NFIB: variants seen among roughly 807,000 people sequenced by gnomAD.
NFIB encodes nuclear factor 1 B-type.
Under a neutral mutation model 61.5 loss-of-function variants are expected in NFIB, and 11 were observed. The observed-to-expected ratio is 0.18, with a 90% CI of 0.11 to 0.30. The LOEUF is 0.30. Ranked by LOEUF, NFIB falls within the 10% of genes least tolerant of loss-of-function variation. NFIB has a pLI of 1.00. For synonymous variants in NFIB, 260 were observed against 216.5 expected, an observed-to-expected ratio of 1.20 and a Z score of -1.76; for missense variants, 471 against 608.9, an observed-to-expected ratio of 0.77 and a Z score of 2.38.
intron 5 of NFIB, among the ~76,000 whole-genome samples, chr9:14,149,403 A>C (rs1407453010): frequency 6.6e-6 from 1 of 152,172 alleles, no homozygotes; most frequent in Admixed American, 6.5e-5. Context: ...TTGATTACAC[A>C]TATATTTAAT....
chr9:14,480,033 TTTTTG>T, the NFIB span, among the ~76,000 whole-genome samples: 2 of 151,430 alleles, frequency 1.3e-5, no homozygotes, highest in African/African-American at 4.9e-5. Context: ...GAAAGGTTTT[TTTTTG>T]TTTTGTTTTG....
chr9:14,519,555 T>G, the NFIB span, among the ~76,000 whole-genome samples: 3 of 152,318 alleles, frequency 2.0e-5, no homozygotes, highest in African/African-American at 7.2e-5. Context: ...GTTGTTTTTG[T>G]TTTGTAACCT....
chr9:14,402,453 T>G (rs533544697), upstream of NFIB, among the ~76,000 whole-genome samples: 3 of 152,324 alleles, frequency 2.0e-5, no homozygotes, highest in East Asian at 3.9e-4. Context: ...TTTTTAATTA[T>G]GAGGAAATAA....
In NFIB at chr9:14,351,009, C is replaced by T. The variant is rs552719693; in HGVS notation, c.109-43489G>A. 2.6e-5 allele frequency among the ~76,000 whole-genome samples: 4 copies of T among 152,282 alleles called. No homozygotes were observed. In the South Asian group the frequency reaches 6.2e-4, roughly 24 times the overall value. ...AGGCCAAGCTTTGGCAAAGGAGACT[C>T]GGAGGGAAATCTCCCGTTCTGAGTG... On this transcript the variant is annotated intron_variant, in intron 1 of 8. Coordinates refer to the NFIB transcript ENST00000380934.
intron 4 of NFIB, among the ~76,000 whole-genome samples, chr9:14,153,513 C>T (rs1375598056): frequency 2.0e-5 from 3 of 152,070 alleles, no homozygotes; most frequent in Admixed American, 6.6e-5. Context: ...ACCAAAGAAC[C>T]TCAGATTCTA....
At chr9:14,139,064 G>A (rs2041395164) in intron 6 of NFIB, among the ~76,000 whole-genome samples, 2 of 152,072 alleles carry the variant, frequency 1.3e-5, no homozygotes, top group South Asian at 4.1e-4. Context: ...GTCCCTCTGG[G>A]AAGACTTGCG....
At position 14,082,948 on chromosome 9, in the gene NFIB, G is replaced by A. The variant is rs1482427238; in HGVS notation, c.*5361C>T. ...GTATTTAGGCCACCTGTTGTTCCTG[G>A]TACTGTATCATGCAATAAGTCATCA... is the stretch of plus-strand genomic sequence containing the variant. On this transcript the variant is annotated 3_prime_UTR_variant, in exon 11 of 11. Transcript: ENST00000380953. The A allele has an allele frequency of 4.8e-6, 1 of 207,416 alleles. No homozygotes were observed. Among genetic ancestry groups the A allele is most frequent in the African/African-American group, 2.3e-5 (1 of 43,818 alleles). The allele number at this position is 207,416 out of a possible 1,614,324, so 12.8% of individuals were successfully genotyped here.
intron 2 of NFIB, among the ~76,000 whole-genome samples, chr9:14,224,286 C>A (rs2052076017): frequency 6.6e-6 from 1 of 152,208 alleles, no homozygotes; most frequent in Non-Finnish European, 1.5e-5. Flanking sequence ...ACATGATGTT[C>A]TGTGTAGAAA....
chr9:14,508,883 TG>T, the NFIB span, among the ~76,000 whole-genome samples: 3 of 152,254 alleles, frequency 2.0e-5, no homozygotes, highest in Non-Finnish European at 4.4e-5. Flanking sequence ...CTTCTACTCT[TG>T]TTCACAAATT....
intron 2 of NFIB, among the ~76,000 whole-genome samples, chr9:14,263,027 G>A (rs2056910328): frequency 6.6e-6 from 1 of 152,124 alleles, no homozygotes; most frequent in Non-Finnish European, 1.5e-5. Flanking sequence ...GTGCAGACAT[G>A]ATTTCTTTCC....
At chr9:14,284,893 T>G (rs190739642) in intron 2 of NFIB, among the ~76,000 whole-genome samples, 7 of 152,304 alleles carry the variant, frequency 4.6e-5, no homozygotes, top group East Asian at 1.9e-4. Context: ...ACTTGCTTAA[T>G]CCTCTCTTTA....
intron 1 of NFIB, among the ~76,000 whole-genome samples, chr9:14,386,425 G>A (rs1244108655): frequency 6.6e-6 from 1 of 152,134 alleles, no homozygotes; most frequent in African/African-American, 2.4e-5. Context: ...CCTGCCTTAG[G>A]ACTCCAGGTC....
chr9:14,349,991 A>G (rs2061086320), intron 1 of NFIB, among the ~76,000 whole-genome samples: 1 of 151,884 alleles, frequency 6.6e-6, no homozygotes, highest in Non-Finnish European at 1.5e-5. Context: ...ATTGCCCATG[A>G]TCTCTCCCTG....
At chr9:14,153,390 A>T (rs1055586198) in intron 4 of NFIB, among the ~76,000 whole-genome samples, 2 of 152,088 alleles carry the variant, frequency 1.3e-5, no homozygotes, top group Non-Finnish European at 2.9e-5. Flanking sequence ...CCTCTGGAAG[A>T]ACTTACATCA....
the NFIB span, among the ~76,000 whole-genome samples, chr9:14,529,650 A>G: frequency 6.6e-6 from 1 of 152,224 alleles, no homozygotes; most frequent in African/African-American, 2.4e-5. Flanking sequence ...TCCACAAAGC[A>G]TCTGTCATTC....
intron 2 of NFIB, among the ~76,000 whole-genome samples, chr9:14,296,613 G>A (rs2059458828): frequency 6.6e-6 from 1 of 152,212 alleles, no homozygotes; most frequent in Admixed American, 6.5e-5. Context: ...CTCTTTTGCT[G>A]CATGTACGGA....
intron 2 of NFIB, among the ~76,000 whole-genome samples, chr9:14,303,685 A>T (rs2059875268): frequency 1.3e-5 from 2 of 152,220 alleles, no homozygotes; most frequent in African/African-American, 4.8e-5. Context: ...GGCATTCAGC[A>T]ACTAGACAAA....
chr9:14,259,012 TGGGGAGTG>T (rs1476729016), intron 2 of NFIB, among the ~76,000 whole-genome samples: 2 of 152,120 alleles, frequency 1.3e-5, no homozygotes, highest in African/African-American at 4.8e-5. Flanking sequence ...AATAGTTCTA[TGGGGAGTG>T]GGGGAGTGGT....
chr9:14,121,945 G>C (rs939835688), intron 7 of NFIB, among the ~76,000 whole-genome samples: 1 of 151,896 alleles, frequency 6.6e-6, no homozygotes, highest in East Asian at 1.9e-4. Context: ...CTAAAATGTT[G>C]AGAGAAATAA....
Sources: gnomAD v4.1 joint callset for allele counts (sites outside exome capture counted in the v4.1 genomes callset) on GRCh38, gnomAD v4.1.1 for gene constraint, MANE v1.5 for transcripts, NCBI Gene and HGNC (gene_info 2026-07-23, HGNC 2026-07-21) for gene names.